Variants in EPHA6 observed in about 807,000 individuals in gnomAD.
EPHA6 encodes EPH receptor A6.
EPHA6 carries 50 observed loss-of-function variants against 112.0 expected under a neutral mutation model. The ratio of observed to expected loss-of-function variants is 0.45; its 90% CI spans 0.36 to 0.56. The LOEUF is 0.56. Ranked by LOEUF, EPHA6 falls within the 20% of genes least tolerant of loss-of-function variation. EPHA6 has a pLI of 0.00. For missense variants in EPHA6, 1,280 were observed against 1,417.4 expected, an observed-to-expected ratio of 0.90 and a Z score of 1.56; for synonymous variants, 529 against 490.7, an observed-to-expected ratio of 1.08 and a Z score of -1.03.
intron 3 of EPHA6, among the ~76,000 whole-genome samples, chr3:97,044,323 T>C (rs1434819862): frequency 1.3e-5 from 2 of 152,200 alleles, no homozygotes; most frequent in Non-Finnish European, 2.9e-5. Flanking sequence ...AAAATGAAAT[T>C]AACTTTTGAC....
At chr3:97,562,802 A>G (rs1055616768) in intron 11 of EPHA6, among the ~76,000 whole-genome samples, 3 of 152,152 alleles carry the variant, frequency 2.0e-5, no homozygotes, top group African/African-American at 7.2e-5. Flanking sequence ...TCTTATTTTC[A>G]GAAATTGCCA....
chr3:97,466,420 A>T (rs1252229469), intron 7 of EPHA6: 1 of 1,599,502 alleles, frequency 6.3e-7, no homozygotes, highest in African/African-American at 1.3e-5. Flanking sequence ...ATTCCATAGG[A>T]CTCTCCATTT....
chr3:97,510,806 T>G (rs1246537020), intron 10 of EPHA6, among the ~76,000 whole-genome samples: 1 of 152,202 alleles, frequency 6.6e-6, no homozygotes, highest in African/African-American at 2.4e-5. Flanking sequence ...TTCTCCCAGG[T>G]GCTCTGTCCC....
intron 3 of EPHA6, among the ~76,000 whole-genome samples, chr3:97,023,588 ACTAATAT>A (rs1322045925): frequency 1.3e-5 from 2 of 152,030 alleles, no homozygotes; most frequent in African/African-American, 4.8e-5. Context: ...AGCAAACAAG[ACTAATAT>A]CTATTATCAG....
At chr3:97,224,022 A>G (rs927022346) in intron 3 of EPHA6, among the ~76,000 whole-genome samples, 2 of 152,126 alleles carry the variant, frequency 1.3e-5, no homozygotes, top group Non-Finnish European at 2.9e-5. Flanking sequence ...AGGATTTCAA[A>G]TACTTCGAGA....
chr3:96,954,958 A>G (rs989770431), intron 2 of EPHA6, among the ~76,000 whole-genome samples: 9 of 151,764 alleles, frequency 5.9e-5, no homozygotes, highest in African/African-American at 1.7e-4. Flanking sequence ...CTAGAATGCT[A>G]TCTGGCACAT....
intron 5 of EPHA6, among the ~76,000 whole-genome samples, chr3:97,292,135 G>A (rs994423695): frequency 2.1e-4 from 32 of 152,246 alleles, no homozygotes; most frequent in Admixed American, 4.6e-4. Context: ...TACCACAAGC[G>A]GCTTCCGCTG....
chr3:97,389,675 T>C (rs2086287780), intron 5 of EPHA6, among the ~76,000 whole-genome samples: 1 of 152,188 alleles, frequency 6.6e-6, no homozygotes, highest in South Asian at 2.1e-4. Context: ...AAAGATTATA[T>C]AGCACAACAT....
chr3:97,324,425 C>CTTTCCTTCT (rs1553746308), intron 5 of EPHA6, among the ~76,000 whole-genome samples: 3 of 143,308 alleles, frequency 2.1e-5, no homozygotes, highest in Admixed American at 7.0e-5. Flanking sequence ...TTCTTTCTTT[C>CTTTCCTTCT]TTTCTTTCTT....
intron 3 of EPHA6, among the ~76,000 whole-genome samples, chr3:97,022,758 C>G (rs947296455): frequency 6.6e-6 from 1 of 152,162 alleles, no homozygotes; most frequent in Non-Finnish European, 1.5e-5. Flanking sequence ...AAGAGGTGTT[C>G]CACTTCTTGG....
intron 1 of EPHA6, among the ~76,000 whole-genome samples, chr3:96,847,446 CT>C (rs769697535): frequency 4.1e-4 from 63 of 151,860 alleles, no homozygotes; most frequent in Non-Finnish European, 8.2e-4. Context: ...AAGGAATCCC[CT>C]ACATTCAAGC....
At chr3:97,709,495 G>A (rs1403050767) in intron 14 of EPHA6, among the ~76,000 whole-genome samples, 1 of 152,224 alleles carries the variant, frequency 6.6e-6, no homozygotes, top group Non-Finnish European at 1.5e-5. Flanking sequence ...GTTCATAGGT[G>A]GAAGGGACTT....
chr3:97,634,939 CTT>C lies in EPHA6; in HGVS notation c.2575-2922_2575-2921del, dbSNP rs35992095. ...CAAGGACATTCTTAAGAAAACCTAG[CTT>C]TTTTTTTTTTTAATCTTTCTGTGAG... On this transcript the variant is annotated intron_variant, in intron 13 of 17. Transcript: ENST00000389672. 2.0e-3 allele frequency among the ~76,000 whole-genome samples: 288 copies of C among 143,746 alleles called. 2 individuals are homozygous for C. The highest frequency in any genetic ancestry group is 6.9e-3 in the African/African-American group (268 of 39,090). 94.3% of individuals were successfully genotyped at this position (143,746 alleles called of 152,430 possible).
intron 11 of EPHA6, among the ~76,000 whole-genome samples, chr3:97,543,825 G>A (rs1379291154): frequency 6.6e-6 from 1 of 152,024 alleles, no homozygotes; most frequent in Non-Finnish European, 1.5e-5. Context: ...CTTGTGAGTT[G>A]GATTCCTAGG....
intron 2 of EPHA6, among the ~76,000 whole-genome samples, chr3:96,952,573 A>G (rs1169218839): frequency 6.6e-6 from 1 of 152,172 alleles, no homozygotes; most frequent in Non-Finnish European, 1.5e-5. Flanking sequence ...CCATGCTCCA[A>G]AATTGTGAGC....
At chr3:97,438,925 A>G (rs1290803516) in intron 6 of EPHA6, among the ~76,000 whole-genome samples, 1 of 152,210 alleles carries the variant, frequency 6.6e-6, no homozygotes, top group Non-Finnish European at 1.5e-5. Flanking sequence ...TTCTAGCACC[A>G]GTATTTTCAA....
chr3:96,969,848 A>G (rs903828831), intron 2 of EPHA6, among the ~76,000 whole-genome samples: 1 of 151,958 alleles, frequency 6.6e-6, no homozygotes, highest in Non-Finnish European at 1.5e-5. Flanking sequence ...TCCTTCATTA[A>G]TAATTTCCTA....
At chr3:96,843,431 T>G (rs746325962) in intron 1 of EPHA6, among the ~76,000 whole-genome samples, 1 of 152,084 alleles carries the variant, frequency 6.6e-6, no homozygotes, top group Admixed American at 6.6e-5. Flanking sequence ...ATAAGACTCT[T>G]AAAATATAGA....
intron 11 of EPHA6, among the ~76,000 whole-genome samples, chr3:97,538,133 C>T (rs1300587427): frequency 6.6e-6 from 1 of 151,934 alleles, no homozygotes; most frequent in Non-Finnish European, 1.5e-5. Context: ...GTGTGGATTA[C>T]ATAGTGAAAG....
Sources: gnomAD v4.1 joint callset for allele counts (sites outside exome capture counted in the v4.1 genomes callset) on GRCh38, gnomAD v4.1.1 for gene constraint, MANE v1.5 for transcripts, NCBI Gene and HGNC (gene_info 2026-07-23, HGNC 2026-07-21) for gene names.